RUVBL1: variants seen among roughly 807,000 people sequenced by gnomAD.
RUVBL1 encodes the protein ruvB-like 1.
In RUVBL1, 4 loss-of-function variants were observed where a neutral mutation model predicts 52.4. The observed-to-expected ratio is 0.08, with a 90% CI of 0.04 to 0.17. The LOEUF is 0.17. Among genes scored for constraint, RUVBL1 ranks in the 10% least tolerant of loss-of-function variants. RUVBL1 has a pLI of 1.00. For missense variants in RUVBL1, 298 were observed against 572.8 expected (o/e 0.52, Z 4.90); for synonymous variants, 217 against 214.4 (o/e 1.01, Z -0.10).
intron 8 of RUVBL1, among the ~76,000 whole-genome samples, chr3:128,088,561 AT>A (rs1238988627): frequency 6.6e-6 from 1 of 150,996 alleles, no homozygotes; most frequent in African/African-American, 2.4e-5. Flanking sequence ...TATACTAAGT[AT>A]GCAAGTTTTT....
chr3:128,153,238 T>C, exon 1 of RUVBL1: 1 of 1,338,154 alleles, frequency 7.5e-7, no homozygotes, highest in Non-Finnish European at 9.5e-7. Flanking sequence ...CTCAGAAGGA[T>C]CCCTCCATCT....
chr3:128,088,220 C>CCACTTT (rs1942711310), intron 8 of RUVBL1, among the ~76,000 whole-genome samples: 1 of 151,156 alleles, frequency 6.6e-6, no homozygotes, highest in Admixed American at 6.6e-5. Flanking sequence ...TGAGAGTGTA[C>CCACTTT]CACTGCACTC....
chr3:128,086,981 G>A (rs531102170), intron 9 of RUVBL1, among the ~76,000 whole-genome samples: 1 of 152,368 alleles, frequency 6.6e-6, no homozygotes, highest in South Asian at 2.1e-4. Context: ...GTCCTCCAAT[G>A]AAGCCTCTTA....
intron 8 of RUVBL1, among the ~76,000 whole-genome samples, chr3:128,090,523 CA>C (rs895307092): frequency 2.0e-5 from 3 of 149,894 alleles, no homozygotes; most frequent in South Asian, 4.2e-4. Flanking sequence ...CGTCTCAAAA[CA>C]AAAAAAAATT....
chr3:128,086,921 A>C lies in RUVBL1; in HGVS notation c.1119+785T>G, dbSNP rs559854124. 2.6e-5 allele frequency among the ~76,000 whole-genome samples: 4 copies of C among 152,350 alleles called. No individual in the cohort carries two copies. In the South Asian group the frequency reaches 8.3e-4, roughly 32 times the overall value. On this transcript the variant is annotated intron_variant, in intron 9 of 10. Coordinates refer to ENST00000322623, the MANE Select transcript of RUVBL1 (RefSeq NM_003707.3). ...CCTAACCCAGATTCAGCTCACGCAG[A>C]CTTCAGGGCATGCACGGTGTGCCAG... is the stretch of plus-strand genomic sequence containing the variant.
At chr3:128,089,189 A>G (rs1259140176) in intron 8 of RUVBL1, among the ~76,000 whole-genome samples, 3 of 152,212 alleles carry the variant, frequency 2.0e-5, no homozygotes, top group African/African-American at 7.2e-5. Flanking sequence ...GAAGGGTCCA[A>G]TCCCATCTTT....
chr3:128,102,049 C>A (rs767824585), intron 4 of RUVBL1, among the ~76,000 whole-genome samples: 81 of 152,228 alleles, frequency 5.3e-4, no homozygotes, highest in Non-Finnish European at 8.5e-4. Context: ...GGCCCTATCA[C>A]CCCTCTTGAA....
chr3:128,153,340 A>T, exon 1 of RUVBL1: 1 of 1,374,762 alleles, frequency 7.3e-7, no homozygotes, highest in Non-Finnish European at 9.3e-7. Flanking sequence ...CACTCGGAGC[A>T]CGGCGCTCGG....
intron 7 of RUVBL1, among the ~76,000 whole-genome samples, chr3:128,097,812 T>C (rs1943020543): frequency 6.6e-6 from 1 of 152,218 alleles, no homozygotes; most frequent in Non-Finnish European, 1.5e-5. Context: ...TCACACTCCC[T>C]ACCATGCCTT....
Position 128,090,376 on chromosome 3 carries a change from G to A in RUVBL1, c.1017-2568C>T, listed in dbSNP as rs528120114. On this transcript the variant is annotated intron_variant, in intron 8 of 10. Coordinates refer to ENST00000322623, the MANE Select transcript of RUVBL1 (RefSeq NM_003707.3). ...CTACTAAAAATACAAAAAATTAGCC[G>A]GGCGTGGTGGCGGGCGCCTGTAGTC... is the stretch of plus-strand genomic sequence containing the variant. Among the ~76,000 whole-genome samples, 377 of 152,234 alleles carry A rather than the reference G, an allele frequency of 2.5e-3. 2 individuals carry two copies. Among genetic ancestry groups the A allele is most frequent in the African/African-American group, 6.9e-3 (286 of 41,544 alleles).
At position 128,064,858 on chromosome 3, in the gene RUVBL1, TCTC is replaced by T. The variant is rs775538415; in HGVS notation, c.*351_*353del. ...TTGCCTGTTCGTTCCTTCATATATG[TCTC>T]CTCCTCTGCCAACAGGAATGGAATT... is the stretch of plus-strand genomic sequence containing the variant. On this transcript the variant is annotated 3_prime_UTR_variant, in exon 10 of 10. Coordinates refer to the RUVBL1 transcript ENST00000464873. 222 of 1,574,300 alleles carry T rather than the reference TCTC, an allele frequency of 1.4e-4. No individual in the cohort carries two copies. The highest frequency in any genetic ancestry group is 1.8e-4 in the Non-Finnish European group (205 of 1,160,050).
chr3:128,090,143 T>A (rs1185340245), intron 8 of RUVBL1, among the ~76,000 whole-genome samples: 1 of 152,118 alleles, frequency 6.6e-6, no homozygotes. Context: ...ATGGTTAAAA[T>A]GGCAAATTTT....
At chr3:128,096,513 TTCAGAG>T (rs1392069340) in intron 8 of RUVBL1, among the ~76,000 whole-genome samples, 1 of 152,084 alleles carries the variant, frequency 6.6e-6, no homozygotes, top group Admixed American at 6.6e-5. Flanking sequence ...ACCAGTGTGG[TTCAGAG>T]GTCTGGGATA....
At chr3:128,119,464 C>T (rs1399716453) in intron 1 of RUVBL1, 50 bp from the exon 2 acceptor site, 2 of 1,497,964 alleles carry the variant, frequency 1.3e-6, no homozygotes, top group Non-Finnish European at 1.8e-6. Flanking sequence ...AAATGTTTCA[C>T]AAGGGGAAAA....
intron 9 of RUVBL1, 32 bp downstream of exon 9, chr3:128,087,674 G>A: frequency 6.4e-7 from 1 of 1,552,238 alleles, no homozygotes. Flanking sequence ...GCAAATGAGA[G>A]AAGAGAGCAG....
rs115374562 is a variant in RUVBL1 at position 128,069,042 on chromosome 3, G to A, written c.940-3822C>T. On this transcript the variant is annotated intron_variant, in intron 9 of 9. Transcript: ENST00000464873. ...GCTGCTGGATTTACAGCACTGTGCA[G>A]TAGAAGTAGAATTCAAGTCACATGT... 3.6e-3 allele frequency: 559 copies of A among 155,856 alleles called. 1 individual carries two copies. The highest frequency in any genetic ancestry group is 0.013 in the African/African-American group (529 of 41,648). The allele number at this position is 155,856 out of a possible 1,614,324, so 9.7% of individuals were successfully genotyped here. A position where few individuals can be genotyped will look rare whatever the true frequency, so the allele number is the denominator to read the frequency against.
intron 1 of RUVBL1, among the ~76,000 whole-genome samples, chr3:128,122,901 T>A (rs34172752): frequency 0.14 from 20,790 of 152,128 alleles, 1,573 homozygotes; most frequent in African/African-American, 0.2. Flanking sequence ...TGCCAAAAAA[T>A]AATATGTATG....
Position 128,119,745 on chromosome 3 carries a change from T to A in RUVBL1, c.142-331A>T, listed in dbSNP as rs189210147. 2.0e-3 allele frequency among the ~76,000 whole-genome samples: 309 copies of A among 152,306 alleles called. 2 individuals carry two copies. The highest frequency in any genetic ancestry group is 6.7e-3 in the African/African-American group (279 of 41,566). ...CTTTCTGATGACATTTAATTTGATA[T>A]GTGAACCTCTGGGAGGAGCAGGAGT... is the stretch of plus-strand genomic sequence containing the variant. On this transcript the variant is annotated intron_variant, in intron 1 of 10. Coordinates refer to ENST00000322623, the MANE Select transcript of RUVBL1 (RefSeq NM_003707.3).
In RUVBL1 at chr3:128,123,484, C is replaced by T. The variant is rs1011765230; in HGVS notation, c.141+100G>A. 7 of 1,296,638 alleles carry T rather than the reference C, an allele frequency of 5.4e-6. No homozygotes were observed. In the Admixed American group the frequency reaches 1.6e-4, roughly 30 times the overall value. The allele number at this position is 1,296,638 out of a possible 1,614,324, so 80.3% of individuals were successfully genotyped here. Reference sequence around the variant, plus strand: ...CCCTGAGGAAATAATGGCGGGAGACCCCTGGCGCGCGCATCCCGCCCCGAG... The same window carrying T: ...CCCTGAGGAAATAATGGCGGGAGACTCCTGGCGCGCGCATCCCGCCCCGAG... On this transcript the variant is annotated intron_variant, in intron 1 of 10. Coordinates refer to ENST00000322623, the MANE Select transcript of RUVBL1 (RefSeq NM_003707.3).
Sources: gnomAD v4.1 joint callset for allele counts (sites outside exome capture counted in the v4.1 genomes callset) on GRCh38, gnomAD v4.1.1 for gene constraint, MANE v1.5 for transcripts, NCBI Gene and HGNC (gene_info 2026-07-23, HGNC 2026-07-21) for gene names.